RUFY3: variants seen among roughly 807,000 people sequenced by gnomAD.
RUFY3 encodes the protein RUN and FYVE domain containing 3, also known as protein RUFY3.
A neutral mutation model predicts 84.0 loss-of-function variants in RUFY3; 34 were observed. The ratio of observed to expected loss-of-function variants is 0.40; its 90% CI spans 0.31 to 0.54. The LOEUF (loss-of-function observed/expected upper bound fraction) is 0.54, where lower values mean the gene tolerates loss of function less well. Among genes scored for constraint, RUFY3 ranks in the 20% least tolerant of loss-of-function variants. The pLI is 0.39. For missense variants in RUFY3, 507 were observed against 736.8 expected, an observed-to-expected ratio of 0.69 and a Z score of 3.61; for synonymous variants, 242 against 252.9, an observed-to-expected ratio of 0.96 and a Z score of 0.41.
At chr4:70,725,069 A>G (rs577897677) in intron 1 of RUFY3, among the ~76,000 whole-genome samples, 18 of 152,246 alleles carry the variant, frequency 1.2e-4, no homozygotes, top group African/African-American at 4.1e-4. Flanking sequence ...CACAAAAGAA[A>G]ATAGGCAAAC....
intron 7 of RUFY3, among the ~76,000 whole-genome samples, chr4:70,778,066 C>T (rs1728258443): frequency 6.6e-6 from 1 of 151,936 alleles, no homozygotes; most frequent in South Asian, 2.1e-4. Context: ...ACCCCATCTC[C>T]ACCAAAAAAT....
chr4:70,760,979 T>C (rs1210054674), intron 1 of RUFY3, among the ~76,000 whole-genome samples: 3 of 152,218 alleles, frequency 2.0e-5, no homozygotes, highest in African/African-American at 4.8e-5. Flanking sequence ...AAAGCAGATA[T>C]AAATAAAAAC....
intron 12 of RUFY3, 24 bp from the exon 13 acceptor site, chr4:70,793,761 C>T (rs1241307288): frequency 6.2e-7 from 1 of 1,613,756 alleles, no homozygotes; most frequent in Admixed American, 1.7e-5. Context: ...TTTTTTATCA[C>T]AAGTTCATGT....
upstream of RUFY3, among the ~76,000 whole-genome samples, chr4:70,720,888 C>CGTGTGTGTGTGTGTGT (rs71210198): frequency 3.6e-5 from 5 of 138,558 alleles, no homozygotes; most frequent in African/African-American, 7.8e-5. Context: ...AATATAGGGC[C>CGTGTGTGTGTGTGTGT]GTGTGTGTGT....
intron 1 of RUFY3, among the ~76,000 whole-genome samples, chr4:70,725,028 C>T (rs1717990503): frequency 6.6e-6 from 1 of 152,140 alleles, no homozygotes; most frequent in Non-Finnish European, 1.5e-5. Flanking sequence ...CATCTGACCA[C>T]CCAAATCCTA....
At chr4:70,791,307 A>T (rs1332176596) in intron 12 of RUFY3, 2 of 1,613,006 alleles carry the variant, frequency 1.2e-6, no homozygotes, top group East Asian at 4.5e-5. Context: ...GGCATTTTTA[A>T]GTTGGTCACG....
At chr4:70,732,520 A>T (rs534957367) in intron 1 of RUFY3, among the ~76,000 whole-genome samples, 1 of 152,206 alleles carries the variant, frequency 6.6e-6, no homozygotes, top group Non-Finnish European at 1.5e-5. Context: ...ATATCCATCA[A>T]TAATACACTG....
At chr4:70,736,127 G>A (rs893654423) in intron 1 of RUFY3, among the ~76,000 whole-genome samples, 2 of 150,188 alleles carry the variant, frequency 1.3e-5, no homozygotes, top group Admixed American at 1.3e-4. Flanking sequence ...GTGCTCCACT[G>A]GGTGGCAGAG....
intron 1 of RUFY3, among the ~76,000 whole-genome samples, chr4:70,740,812 T>C (rs990388031): frequency 6.6e-6 from 1 of 152,178 alleles, no homozygotes. Flanking sequence ...ACACTTTCCA[T>C]TTGCTTTACA....
intron 12 of RUFY3, 64 bp from the exon 13 acceptor site, chr4:70,793,721 A>G (rs1731153240): frequency 1.2e-6 from 2 of 1,612,082 alleles, no homozygotes; most frequent in Admixed American, 1.7e-5. Context: ...TGTGTTGTGA[A>G]CTTGGTCTTC....
intron 1 of RUFY3, among the ~76,000 whole-genome samples, chr4:70,755,407 A>G (rs1723836746): frequency 6.6e-6 from 1 of 152,252 alleles, no homozygotes; most frequent in Non-Finnish European, 1.5e-5. Flanking sequence ...TCAATTATTT[A>G]GAAAACATTT....
intron 14 of RUFY3, 157 bp from the exon 15 acceptor site, chr4:70,799,984 A>G: frequency 1.7e-6 from 1 of 604,666 alleles, no homozygotes; most frequent in East Asian, 3.2e-5. Flanking sequence ...CTTAGAGCAA[A>G]GAATGAGGAA....
At chr4:70,786,593 T>TA (rs1336979886) in intron 10 of RUFY3, among the ~76,000 whole-genome samples, 4 of 152,286 alleles carry the variant, frequency 2.6e-5, no homozygotes, top group Non-Finnish European at 5.9e-5. Context: ...AGATGATAGA[T>TA]ACATTCATTT....
chr4:70,796,515 G>C (rs1489780360), intron 14 of RUFY3, among the ~76,000 whole-genome samples: 1 of 152,206 alleles, frequency 6.6e-6, no homozygotes, highest in Non-Finnish European at 1.5e-5. Flanking sequence ...GTCTGCAGCT[G>C]ATACGGGCAC....
intron 1 of RUFY3, among the ~76,000 whole-genome samples, chr4:70,737,371 A>T (rs1037767313): frequency 6.6e-6 from 1 of 151,952 alleles, no homozygotes; most frequent in African/African-American, 2.4e-5. Context: ...GCATGCTGGG[A>T]TTTCCTTTTT....
intron 1 of RUFY3, chr4:70,741,560 G>C: frequency 1.5e-6 from 2 of 1,343,362 alleles, no homozygotes; most frequent in Non-Finnish European, 2.0e-6. Flanking sequence ...GTTTTTAATA[G>C]CACTTTTCTT....
At position 70,722,514 on chromosome 4, in the gene RUFY3, GGTGTGTGTGTGTGAGTGTGTGT is replaced by G; in HGVS notation, c.-55_-34del. 7.0e-7 allele frequency: 1 copy of G among 1,430,966 alleles called. No homozygotes were observed. The highest frequency in any genetic ancestry group is 9.3e-7 in the Non-Finnish European group (1 of 1,077,662). The allele number at this position is 1,430,966 out of a possible 1,614,324, so 88.6% of individuals were successfully genotyped here. ...GTGAGGAGGTTGTATTTATTTTTTT[GGTGTGTGTGTGTGAGTGTGTGT>G]GTGTCTGTGTGTGTGTTGTGGTCCC... On this transcript the variant is annotated 5_prime_UTR_variant, in exon 1 of 18. Coordinates refer to ENST00000381006, the MANE Select transcript of RUFY3 (RefSeq NM_001037442.4).
chr4:70,726,070 G>A (rs2148596022), intron 1 of RUFY3, among the ~76,000 whole-genome samples: 1 of 152,308 alleles, frequency 6.6e-6, no homozygotes, highest in African/African-American at 2.4e-5. Flanking sequence ...AAGGATATAA[G>A]CTCTCAGGGA....
intron 1 of RUFY3, among the ~76,000 whole-genome samples, chr4:70,741,472 C>T (rs975027357): frequency 6.6e-6 from 1 of 152,154 alleles, no homozygotes; most frequent in Non-Finnish European, 1.5e-5. Flanking sequence ...GTACTCCCAG[C>T]CCTTGTCACT....
Sources: gnomAD v4.1 joint callset for allele counts (sites outside exome capture counted in the v4.1 genomes callset) on GRCh38, gnomAD v4.1.1 for gene constraint, MANE v1.5 for transcripts, NCBI Gene and HGNC (gene_info 2026-07-23, HGNC 2026-07-21) for gene names.